Variants in ARHGAP44 observed in about 807,000 individuals in gnomAD.
The protein encoded by ARHGAP44 is Rho GTPase activating protein 44.
In ARHGAP44, 43 loss-of-function variants were observed where a neutral mutation model predicts 106.8. That is an observed-to-expected ratio of 0.40 (90% CI 0.32 to 0.52). The LOEUF (loss-of-function observed/expected upper bound fraction) is 0.52, where lower values mean the gene tolerates loss of function less well. Ranked by LOEUF, ARHGAP44 falls within the 20% of genes least tolerant of loss-of-function variation. ARHGAP44 has a pLI of 0.48. For missense variants in ARHGAP44, 866 were observed against 1,050.5 expected (o/e 0.82, Z 2.43); for synonymous variants, 439 against 410.3 (o/e 1.07, Z -0.85).
chr17:12,912,223 G>A (rs2037758595), intron 4 of ARHGAP44, among the ~76,000 whole-genome samples: 1 of 152,124 alleles, frequency 6.6e-6, no homozygotes, highest in Non-Finnish European at 1.5e-5. Context: ...ATGAAAAACA[G>A]GATGTTAATA....
chr17:12,908,467 A>T (rs1567680568), intron 3 of ARHGAP44, among the ~76,000 whole-genome samples: 1 of 152,182 alleles, frequency 6.6e-6, no homozygotes, highest in Non-Finnish European at 1.5e-5. Context: ...CCTCATGTAA[A>T]GTGCTGGGAT....
At chr17:12,974,034 T>C (rs989071910) in intron 17 of ARHGAP44, 55 bp from the exon 18 acceptor site, 65 of 1,512,976 alleles carry the variant, frequency 4.3e-5, no homozygotes, top group Non-Finnish European at 5.8e-5. Flanking sequence ...GGAGGGAGCC[T>C]GTCTCCTGTC....
At chr17:12,800,337 C>T (rs1039767287) in intron 1 of ARHGAP44, among the ~76,000 whole-genome samples, 1 of 152,196 alleles carries the variant, frequency 6.6e-6, no homozygotes, top group Non-Finnish European at 1.5e-5. Context: ...ATTGAATCCC[C>T]ATGGTGACTA....
intron 1 of ARHGAP44, among the ~76,000 whole-genome samples, chr17:12,873,808 G>A (rs1234300580): frequency 6.6e-6 from 1 of 152,142 alleles, no homozygotes; most frequent in Non-Finnish European, 1.5e-5. Context: ...TGAAGCTGAG[G>A]CAGGAGAATC....
chr17:12,963,859 C>T (rs2039327983), intron 16 of ARHGAP44, among the ~76,000 whole-genome samples: 1 of 152,184 alleles, frequency 6.6e-6, no homozygotes, highest in Non-Finnish European at 1.5e-5. Context: ...CAAATCTACC[C>T]ATCTGATTTA....
intron 1 of ARHGAP44, among the ~76,000 whole-genome samples, chr17:12,865,891 C>G (rs759832214): frequency 2.6e-5 from 4 of 151,856 alleles, no homozygotes; most frequent in Non-Finnish European, 5.9e-5. Context: ...GGACTTTATA[C>G]TGTATCGTAA....
intron 3 of ARHGAP44, among the ~76,000 whole-genome samples, chr17:12,899,528 T>G (rs759849466): frequency 4.7e-5 from 7 of 150,358 alleles, no homozygotes; most frequent in Non-Finnish European, 1.0e-4. Context: ...TTCTTTGTGA[T>G]GATTAAGTAG....
chr17:12,826,334 C>T (rs1235584592), intron 1 of ARHGAP44, among the ~76,000 whole-genome samples: 1 of 152,166 alleles, frequency 6.6e-6, no homozygotes, highest in Non-Finnish European at 1.5e-5. Context: ...TATAGACCCT[C>T]TTAGCCTGTT....
intron 15 of ARHGAP44, among the ~76,000 whole-genome samples, chr17:12,957,219 A>G (rs1196580562): frequency 6.6e-6 from 1 of 152,012 alleles, no homozygotes; most frequent in Non-Finnish European, 1.5e-5. Flanking sequence ...CATCCTCCCA[A>G]AGTGCTGGGA....
chr17:12,800,844 CT>C (rs1256155020), intron 1 of ARHGAP44, among the ~76,000 whole-genome samples: 5 of 152,206 alleles, frequency 3.3e-5, no homozygotes, highest in Admixed American at 6.5e-5. Context: ...TTCTCTCCCC[CT>C]AATCTTGTTA....
intron 4 of ARHGAP44, among the ~76,000 whole-genome samples, chr17:12,910,446 C>CTTTTTTTTT (rs3076662): frequency 4.3e-5 from 4 of 93,522 alleles, no homozygotes; most frequent in Admixed American, 1.6e-4. Context: ...CTTATGTAGC[C>CTTTTTTTTT]TTTTTTTTTT....
At chr17:12,969,521 A>G (rs1000357629) in intron 16 of ARHGAP44, among the ~76,000 whole-genome samples, 17 of 152,236 alleles carry the variant, frequency 1.1e-4, no homozygotes, top group African/African-American at 3.6e-4. Context: ...AGAGTTAGTC[A>G]TTGGAAAATC....
rs78204906 is a variant in ARHGAP44 at position 12,918,939 on chromosome 17, G to A, written c.388-816G>A. 2.4e-3 allele frequency among the ~76,000 whole-genome samples: 364 copies of A among 152,270 alleles called. 3 individuals are homozygous for A. The highest frequency in any genetic ancestry group is 8.0e-3 in the African/African-American group (333 of 41,566). The stretch of plus-strand genomic sequence containing the variant: ...GTCTGGCTTGATGGAGAGCCTGGCT[G>A]GTGTCCAGCAAAGATGGAGCAGAGT... On this transcript the variant is annotated intron_variant, in intron 5 of 20. Transcript: ENST00000379672.
intron 16 of ARHGAP44, among the ~76,000 whole-genome samples, chr17:12,959,869 C>G (rs2039217101): frequency 2.0e-5 from 3 of 152,206 alleles, no homozygotes. Context: ...AGAACCTTCC[C>G]CTTTCCGGAC....
intron 5 of ARHGAP44, 137 bp downstream of exon 5, chr17:12,916,148 C>A: frequency 2.9e-6 from 2 of 701,122 alleles, no homozygotes; most frequent in Non-Finnish European, 4.8e-6. Context: ...GGGATTCTTA[C>A]CTAACCACAT....
intron 20 of ARHGAP44, chr17:12,987,834 G>A (rs2039998019): frequency 6.6e-6 from 1 of 152,198 alleles, no homozygotes; most frequent in Admixed American, 6.5e-5. Flanking sequence ...ATTTGGGGGA[G>A]CATTTATATC....
intron 1 of ARHGAP44, among the ~76,000 whole-genome samples, chr17:12,890,252 G>A (rs1470397144): frequency 6.6e-6 from 1 of 152,190 alleles, no homozygotes; most frequent in African/African-American, 2.4e-5. Context: ...ACATGTCTGT[G>A]CCTGGATCCC....
At chr17:12,839,986 C>T (rs1185001123) in intron 1 of ARHGAP44, among the ~76,000 whole-genome samples, 1 of 152,164 alleles carries the variant, frequency 6.6e-6, no homozygotes, top group African/African-American at 2.4e-5. Context: ...GATACAGCCC[C>T]CTTCAGCTCT....
At chr17:12,844,092 A>G (rs986422176) in intron 1 of ARHGAP44, among the ~76,000 whole-genome samples, 5 of 152,166 alleles carry the variant, frequency 3.3e-5, no homozygotes, top group Non-Finnish European at 7.4e-5. Flanking sequence ...CTGTGCATGC[A>G]TAGTTCAGGA....
Sources: allele counts gnomAD v4.1 joint callset (sites outside exome capture counted in the v4.1 genomes callset), GRCh38; gene constraint gnomAD v4.1.1; transcripts MANE v1.5; gene names NCBI Gene and HGNC (gene_info 2026-07-23, HGNC 2026-07-21).